Variants in ERBB4 observed in about 807,000 individuals in gnomAD.
ERBB4 encodes receptor tyrosine-protein kinase erbB-4.
A neutral mutation model predicts 158.0 loss-of-function variants in ERBB4; 42 were observed. The ratio of observed to expected loss-of-function variants is 0.27; its 90% confidence interval spans 0.21 to 0.34. ERBB4 has a LOEUF of 0.34. Among genes scored for constraint, ERBB4 ranks in the 10% least tolerant of loss-of-function variants. The pLI is 1.00. For missense variants in ERBB4, 1,333 were observed against 1,624.1 expected (o/e 0.82, Z 3.08); for synonymous variants, 583 against 558.7 (o/e 1.04, Z -0.61).
At chr2:211,752,842 C>A (rs1274108980) in intron 4 of ERBB4, among the ~76,000 whole-genome samples, 1 of 152,176 alleles carries the variant, frequency 6.6e-6, no homozygotes, top group Non-Finnish European at 1.5e-5. Flanking sequence ...ATAATTTAAC[C>A]TTGACTGTCT....
chr2:211,720,201 A>AGGAT (rs1246356061), intron 7 of ERBB4, among the ~76,000 whole-genome samples: 2 of 152,244 alleles, frequency 1.3e-5, no homozygotes, highest in African/African-American at 4.8e-5. Flanking sequence ...TTGGAAACTG[A>AGGAT]GGATGCAAGC....
intron 1 of ERBB4, among the ~76,000 whole-genome samples, chr2:212,339,791 T>C (rs940762976): frequency 4.6e-5 from 7 of 152,268 alleles, no homozygotes; most frequent in Non-Finnish European, 1.0e-4. Flanking sequence ...AAAAATATGC[T>C]TTTTTAAAAT....
chr2:212,516,697 ATT>A (rs1420681072), intron 1 of ERBB4, among the ~76,000 whole-genome samples: 2 of 152,128 alleles, frequency 1.3e-5, no homozygotes, highest in Non-Finnish European at 2.9e-5. Context: ...TGTTGTGGAT[ATT>A]TAAAGAGTTG....
Position 211,562,006 on chromosome 2 carries a change from A to G in ERBB4, c.2384T>C (p.Val795Ala). The G allele has an allele frequency of 1.2e-6, 2 of 1,613,746 alleles. No homozygotes were observed. Among genetic ancestry groups the G allele is most frequent in the Non-Finnish European group, 1.7e-6 (2 of 1,179,682 alleles). ...GVCLSPTIQL[V>A]TQLMPHGCLL... The stretch of plus-strand genomic sequence containing the variant: ...GCAGCCATGGGGCATAAGTTGAGTA[A>G]CCAGCTGGATGGTTGGGCTCAGACA... Residue 795 changes from valine (V) to alanine (A), a missense_variant, in exon 20 of 28, where the codon GTT becomes GCT. Physicochemically the swap from Val to Ala is moderately conservative, Grantham distance 64. Around this residue, in one of 5 missense-constraint regions of ERBB4, gnomAD observed 314 missense variants for 437.6 expected, o/e 0.72. Coordinates refer to ENST00000342788, the MANE Select transcript of ERBB4 (RefSeq NM_005235.3).
chr2:211,409,707 A>C (rs563523087), intron 25 of ERBB4, among the ~76,000 whole-genome samples: 1 of 152,168 alleles, frequency 6.6e-6, no homozygotes, highest in Non-Finnish European at 1.5e-5. Flanking sequence ...CAAGATTTTC[A>C]TGGTTTTGAC....
chr2:212,356,207 G>A (rs1417920028), intron 1 of ERBB4, among the ~76,000 whole-genome samples: 1 of 151,906 alleles, frequency 6.6e-6, no homozygotes, highest in Non-Finnish European at 1.5e-5. Context: ...GACTGCTTCA[G>A]CCAGTACTTT....
At chr2:212,368,219 A>G (rs1310453346) in intron 1 of ERBB4, among the ~76,000 whole-genome samples, 1 of 152,198 alleles carries the variant, frequency 6.6e-6, no homozygotes, top group African/African-American at 2.4e-5. Flanking sequence ...ATTGTGGTCT[A>G]TACATACAAT....
At chr2:212,366,883 A>G (rs1454298920) in intron 1 of ERBB4, among the ~76,000 whole-genome samples, 1 of 152,056 alleles carries the variant, frequency 6.6e-6, no homozygotes, top group African/African-American at 2.4e-5. Context: ...GTATAAATGA[A>G]TCCAAAATTG....
intron 20 of ERBB4, among the ~76,000 whole-genome samples, chr2:211,547,040 C>A (rs182907991): frequency 1.2e-4 from 18 of 152,122 alleles, no homozygotes; most frequent in Non-Finnish European, 1.6e-4. Context: ...CTTCATAGAA[C>A]TACACACGCA....
In ERBB4 at chr2:211,679,188, T is replaced by G. The variant is rs1559410580; in HGVS notation, c.1490-4A>C. ...TTGCACACCATTCCTTCAGCAGCTG[T>G]GAAACACCAAAATCAAGGGGAAATA... On this transcript the variant is annotated splice_polypyrimidine_tract_variant and splice_region_variant and intron_variant, in intron 12 of 27. Transcript: ENST00000342788. 2 of 1,613,588 alleles carry G rather than the reference T, an allele frequency of 1.2e-6. No homozygotes were observed. Among genetic ancestry groups the G allele is most frequent in the Non-Finnish European group, 1.7e-6 (2 of 1,179,696 alleles).
chr2:211,576,167 C>T (rs750011349), intron 19 of ERBB4, among the ~76,000 whole-genome samples: 3 of 152,030 alleles, frequency 2.0e-5, no homozygotes, highest in Non-Finnish European at 4.4e-5. Context: ...TTATAATAAA[C>T]CCTGAAAGAA....
intron 14 of ERBB4, among the ~76,000 whole-genome samples, chr2:211,666,282 A>G (rs1007588971): frequency 1.3e-5 from 2 of 152,164 alleles, no homozygotes; most frequent in African/African-American, 2.4e-5. Flanking sequence ...ATAATAAAGC[A>G]AATACATACA....
chr2:211,812,894 T>G (rs2076792308), intron 3 of ERBB4, among the ~76,000 whole-genome samples: 1 of 152,204 alleles, frequency 6.6e-6, no homozygotes, highest in South Asian at 2.1e-4. Context: ...GCTAAGACCT[T>G]TGGAAAAATG....
chr2:211,413,681 T>TTCAA (rs2063318319), intron 25 of ERBB4, among the ~76,000 whole-genome samples: 1 of 152,128 alleles, frequency 6.6e-6, no homozygotes. Flanking sequence ...CTCTTCTATG[T>TTCAA]TCAATCACAT....
At chr2:212,461,007 G>A (rs929005800) in intron 1 of ERBB4, among the ~76,000 whole-genome samples, 1 of 152,164 alleles carries the variant, frequency 6.6e-6, no homozygotes, top group African/African-American at 2.4e-5. Flanking sequence ...ATGGCTGAAA[G>A]CTGCTAGATT....
In ERBB4 at chr2:212,382,913, A is replaced by G. The variant is rs190967881; in HGVS notation, c.82+155536T>C. 2.1e-3 allele frequency among the ~76,000 whole-genome samples: 311 copies of G among 151,318 alleles called. 2 individuals are homozygous for G. The highest frequency in any genetic ancestry group is 0.01 in the Middle Eastern group (3 of 294). On this transcript the variant is annotated intron_variant, in intron 1 of 27. Coordinates refer to ENST00000342788, the MANE Select transcript of ERBB4 (RefSeq NM_005235.3). Reference sequence around the variant, plus strand: ...TTCAGGACTTGGTATCTTACTTACAATATTATAACCCTTTTAAATATTGAG... The same window carrying G: ...TTCAGGACTTGGTATCTTACTTACAGTATTATAACCCTTTTAAATATTGAG...
chr2:211,384,222 T>C (rs1313230567), intron 27 of ERBB4, among the ~76,000 whole-genome samples, 162 bp from the exon 28 acceptor site: 7 of 152,224 alleles, frequency 4.6e-5, no homozygotes, highest in African/African-American at 1.7e-4. Context: ...CATTGTCTTA[T>C]GAAAAAAAGA....
intron 1 of ERBB4, among the ~76,000 whole-genome samples, chr2:212,349,424 T>C (rs1054377535): frequency 6.6e-5 from 10 of 151,950 alleles, no homozygotes; most frequent in African/African-American, 1.9e-4. Flanking sequence ...TGAACAACAG[T>C]TGTTCTAAAA....
chr2:212,461,505 T>G (rs1363700238), intron 1 of ERBB4, among the ~76,000 whole-genome samples: 1 of 152,158 alleles, frequency 6.6e-6, no homozygotes, highest in Non-Finnish European at 1.5e-5. Flanking sequence ...ATACCCAATG[T>G]TTGTACCCCC....
Sources: allele counts gnomAD v4.1 joint callset (sites outside exome capture counted in the v4.1 genomes callset), GRCh38; gene constraint gnomAD v4.1.1; regional missense constraint gnomAD v4.1.1; transcripts MANE v1.5; gene names NCBI Gene and HGNC (gene_info 2026-07-23, HGNC 2026-07-21).